LY96: variants seen among roughly 807,000 people sequenced by gnomAD.
The protein encoded by LY96 is myeloid differentiation protein-2.
Under a neutral mutation model 18.9 loss-of-function variants are expected in LY96, and 18 were observed. That is an observed-to-expected ratio of 0.95 (90% CI 0.66 to 1.41). LY96 has a LOEUF of 1.41. Ranked by LOEUF, LY96 falls within the 40% of genes most tolerant of loss-of-function variation. The pLI is 0.00. For missense variants in LY96, 175 were observed against 182.4 expected, an observed-to-expected ratio of 0.96 and a Z score of 0.23; for synonymous variants, 66 against 62.6, an observed-to-expected ratio of 1.06 and a Z score of -0.26.
the LY96 span, among the ~76,000 whole-genome samples, chr8:74,088,235 A>G: frequency 1.5e-3 from 235 of 152,338 alleles, no homozygotes; most frequent in Non-Finnish European, 2.9e-3. Flanking sequence ...GTGTGCAGCC[A>G]TCATTCAAGA....
the LY96 span, among the ~76,000 whole-genome samples, chr8:74,043,546 C>G: frequency 6.6e-6 from 1 of 152,244 alleles, no homozygotes; most frequent in East Asian, 1.9e-4. Context: ...GGAATTTGCT[C>G]ATATTAGTTG....
At chr8:74,037,945 G>A in the LY96 span, among the ~76,000 whole-genome samples, 35 of 152,130 alleles carry the variant, frequency 2.3e-4, 1 homozygote, top group Middle Eastern at 3.4e-3. Context: ...TAACTTATCC[G>A]TTAGGTAGAG....
chr8:74,040,161 C>T, the LY96 span, among the ~76,000 whole-genome samples: 21 of 152,220 alleles, frequency 1.4e-4, no homozygotes, highest in Non-Finnish European at 2.4e-4. Flanking sequence ...AGTAATGCAA[C>T]GAAGAGTAAT....
chr8:74,089,330 G>T, the LY96 span, among the ~76,000 whole-genome samples: 1 of 152,060 alleles, frequency 6.6e-6, no homozygotes, highest in Admixed American at 6.6e-5. Flanking sequence ...AGAGGAAAAT[G>T]CAGGTCCTTT....
chr8:74,077,042 C>T, the LY96 span, among the ~76,000 whole-genome samples: 2 of 152,072 alleles, frequency 1.3e-5, no homozygotes, highest in Non-Finnish European at 2.9e-5. Flanking sequence ...ACTTTACTTA[C>T]GTTTAGTGGT....
At chr8:74,082,343 G>C in the LY96 span, among the ~76,000 whole-genome samples, 1 of 152,148 alleles carries the variant, frequency 6.6e-6, no homozygotes, top group Admixed American at 6.6e-5. Context: ...GACTTAGATT[G>C]TATAGGTTAT....
chr8:74,045,196 A>G, the LY96 span, among the ~76,000 whole-genome samples: 1 of 152,258 alleles, frequency 6.6e-6, no homozygotes, highest in Non-Finnish European at 1.5e-5. Context: ...CAGGGCATTC[A>G]CAGGCTTGTC....
chr8:74,097,108 A>G, the LY96 span, among the ~76,000 whole-genome samples: 1 of 152,152 alleles, frequency 6.6e-6, no homozygotes, highest in Admixed American at 6.5e-5. Flanking sequence ...AATAATTTTC[A>G]TGGTGATTGT....
the LY96 span, among the ~76,000 whole-genome samples, chr8:74,049,839 A>T: frequency 6.6e-6 from 1 of 152,138 alleles, no homozygotes. Context: ...TATTGTATTG[A>T]TCAATTAATA....
chr8:74,023,263 G>T (rs904017164), intron 3 of LY96, among the ~76,000 whole-genome samples: 1 of 152,142 alleles, frequency 6.6e-6, no homozygotes, highest in African/African-American at 2.4e-5. Flanking sequence ...TCCGGTGTGG[G>T]TGCCCTGCAG....
the LY96 span, among the ~76,000 whole-genome samples, chr8:74,045,177 C>T: frequency 2.6e-5 from 4 of 152,210 alleles, no homozygotes; most frequent in African/African-American, 9.7e-5. Flanking sequence ...AACACTTGGT[C>T]CCTGTCTTCA....
At chr8:74,088,125 G>GA in the LY96 span, among the ~76,000 whole-genome samples, 12 of 151,794 alleles carry the variant, frequency 7.9e-5, no homozygotes, top group Admixed American at 7.9e-4. Flanking sequence ...GAATAGAATA[G>GA]AATAGAATAG....
chr8:74,079,424 C>T, the LY96 span: 1 of 152,184 alleles, frequency 6.6e-6, no homozygotes, highest in African/African-American at 2.4e-5. Flanking sequence ...TCAGGTAATG[C>T]CCTTTGTAAT....
At chr8:74,018,813 C>A (rs1038565042) in intron 3 of LY96, among the ~76,000 whole-genome samples, 3 of 152,178 alleles carry the variant, frequency 2.0e-5, no homozygotes, top group Admixed American at 2.0e-4. Flanking sequence ...CAACCTGCTC[C>A]TAAGTGACTA....
At chr8:74,061,639 T>G in the LY96 span, among the ~76,000 whole-genome samples, 1,353 of 152,264 alleles carry the variant, frequency 8.9e-3, 7 homozygotes, top group Non-Finnish European at 0.014. Context: ...CCACAAAAAG[T>G]GCTAAGTGGA....
the LY96 span, among the ~76,000 whole-genome samples, chr8:74,068,061 CAAAAAAAA>C: frequency 1.7e-4 from 6 of 36,198 alleles, no homozygotes; most frequent in African/African-American, 2.5e-4. Context: ...AACTCTGTCT[CAAAAAAAA>C]AAAAAAAAAA....
At chr8:73,992,836 C>CTGTGTGTGTGTG (rs34327741) in intron 1 of LY96, among the ~76,000 whole-genome samples, 3,893 of 141,770 alleles carry the variant, frequency 0.027, 86 homozygotes, top group Middle Eastern at 0.073. Flanking sequence ...AATTATGCCA[C>CTGTGTGTGTGTG]TGTGTGTGTG....
chr8:74,067,694 TTGAGGTGTATTC>T, the LY96 span, among the ~76,000 whole-genome samples: 2 of 151,790 alleles, frequency 1.3e-5, no homozygotes, highest in Non-Finnish European at 2.9e-5. Flanking sequence ...GATGGAGGCG[TTGAGGTGTATTC>T]TGAGGTTAAT....
chr8:74,072,059 A>C, the LY96 span, among the ~76,000 whole-genome samples: 1 of 152,142 alleles, frequency 6.6e-6, no homozygotes, highest in Non-Finnish European at 1.5e-5. Flanking sequence ...ACTGAGCTGG[A>C]GTATATGTGG....
Sources: gnomAD v4.1 joint callset for allele counts (sites outside exome capture counted in the v4.1 genomes callset) on GRCh38, gnomAD v4.1.1 for gene constraint, MANE v1.5 for transcripts, NCBI Gene and HGNC (gene_info 2026-07-23, HGNC 2026-07-21) for gene names.